DNM3: variants seen among roughly 807,000 people sequenced by gnomAD.
DNM3 encodes the protein dynamin-3.
DNM3 carries 47 observed loss-of-function variants against 101.6 expected under a neutral mutation model. The ratio of observed to expected loss-of-function variants is 0.46; its 90% CI spans 0.37 to 0.59. The LOEUF is 0.59. DNM3 is among the 20% of genes least tolerant of loss of function. The probability of loss-of-function intolerance (pLI) is 0.00; values close to 1 mark genes in which losing one functional copy is unlikely to be tolerated. For missense variants in DNM3, 849 were observed against 1,085.7 expected (o/e 0.78, Z 3.06); for synonymous variants, 385 against 387.9 (o/e 0.99, Z 0.09).
intron 20 of DNM3, among the ~76,000 whole-genome samples, chr1:172,398,502 C>CT (rs900261643): frequency 2.7e-4 from 41 of 152,286 alleles, no homozygotes; most frequent in African/African-American, 9.9e-4. Context: ...AAACTGTAAA[C>CT]TTTTTTGATC....
chr1:172,355,790 A>G (rs12143497), intron 17 of DNM3, among the ~76,000 whole-genome samples: 11,585 of 152,210 alleles, frequency 0.076, 499 homozygotes, highest in South Asian at 0.15. Context: ...GGCTGTGAAG[A>G]TCTAATATAT....
intron 15 of DNM3, among the ~76,000 whole-genome samples, chr1:172,306,740 T>C (rs1288834424): frequency 6.6e-6 from 1 of 151,306 alleles, no homozygotes; most frequent in Non-Finnish European, 1.5e-5. Flanking sequence ...TCTACAACCA[T>C]CTCTTTGACA....
intron 1 of DNM3, among the ~76,000 whole-genome samples, chr1:171,886,642 G>A (rs1386279739): frequency 6.6e-6 from 1 of 152,136 alleles, no homozygotes; most frequent in Non-Finnish European, 1.5e-5. Flanking sequence ...GTCTGTAATA[G>A]AAGAGTGAGA....
intron 1 of DNM3, among the ~76,000 whole-genome samples, chr1:171,858,672 C>G (rs2033861389): frequency 1.3e-5 from 2 of 152,136 alleles, no homozygotes; most frequent in African/African-American, 4.8e-5. Context: ...CAGAAGCTCT[C>G]CTCATGCTCC....
intron 14 of DNM3, among the ~76,000 whole-genome samples, chr1:172,219,088 C>T (rs2060808744): frequency 6.6e-6 from 1 of 152,024 alleles, no homozygotes; most frequent in Non-Finnish European, 1.5e-5. Context: ...CACAATGGCT[C>T]ATGCCTGTAA....
intron 15 of DNM3, among the ~76,000 whole-genome samples, chr1:172,292,244 C>A (rs183998894): frequency 6.6e-6 from 1 of 152,070 alleles, no homozygotes; most frequent in East Asian, 1.9e-4. Flanking sequence ...TTATAATCCC[C>A]ATTTTATAGG....
intron 2 of DNM3, among the ~76,000 whole-genome samples, chr1:171,937,861 GT>G (rs1428946026): frequency 6.6e-6 from 1 of 150,454 alleles, no homozygotes; most frequent in Non-Finnish European, 1.5e-5. Context: ...TGGATTACAG[GT>G]ATGAGCCACA....
chr1:172,232,891 G>A lies in DNM3; in HGVS notation c.1660-20682G>A, dbSNP rs533188605. 4.0e-3 allele frequency among the ~76,000 whole-genome samples: 615 copies of A among 152,312 alleles called. 6 individuals are homozygous for A. The highest frequency in any genetic ancestry group is 6.8e-3 in the Middle Eastern group (2 of 294). On this transcript the variant is annotated intron_variant, in intron 14 of 20. Coordinates refer to ENST00000627582, the MANE Select transcript of DNM3 (RefSeq NM_015569.5). ...ATCTCTGGGACACATTTAAAGCAGT[G>A]TGTAGAGGGAAATTTATAGCACTAA...
At chr1:171,912,688 A>G (rs1186884594) in intron 1 of DNM3, among the ~76,000 whole-genome samples, 3 of 152,190 alleles carry the variant, frequency 2.0e-5, no homozygotes, top group Admixed American at 2.0e-4. Flanking sequence ...CAAAACCTCT[A>G]ATTACATCTT....
intron 4 of DNM3, among the ~76,000 whole-genome samples, chr1:172,029,320 C>A (rs372107377): frequency 3.6e-5 from 5 of 138,228 alleles, no homozygotes; most frequent in Non-Finnish European, 1.6e-5. Context: ...ACATGATTAT[C>A]CCAATAGATG....
chr1:171,861,185 C>A (rs1203776734), intron 1 of DNM3, among the ~76,000 whole-genome samples: 1 of 152,092 alleles, frequency 6.6e-6, no homozygotes, highest in Non-Finnish European at 1.5e-5. Context: ...AATCAATCTG[C>A]AGACTTAATG....
At chr1:172,099,406 C>G (rs1408282386) in intron 13 of DNM3, among the ~76,000 whole-genome samples, 1 of 152,132 alleles carries the variant, frequency 6.6e-6, no homozygotes, top group East Asian at 1.9e-4. Context: ...AAATTTCATT[C>G]TTGCAGCAGG....
chr1:171,904,537 A>C (rs2038649797), intron 1 of DNM3, among the ~76,000 whole-genome samples: 1 of 152,160 alleles, frequency 6.6e-6, no homozygotes, highest in African/African-American at 2.4e-5. Flanking sequence ...CCCTTGGGAG[A>C]ACAACCAAAC....
At chr1:171,925,093 G>T (rs1047187874) in intron 2 of DNM3, among the ~76,000 whole-genome samples, 11 of 151,152 alleles carry the variant, frequency 7.3e-5, no homozygotes, top group Non-Finnish European at 1.5e-4. Flanking sequence ...TAGAGACGGG[G>T]TTTCACCATG....
In DNM3 at chr1:172,195,114, C is replaced by T. The variant is rs144823218; in HGVS notation, c.1660-58459C>T. Among the ~76,000 whole-genome samples the T allele has an allele frequency of 7.2e-3, 1,093 of 152,074 alleles. 16 individuals carry two copies. Among genetic ancestry groups the T allele is most frequent in the African/African-American group, 0.023 (957 of 41,504 alleles). ...TGTAAAGGATTTTATTTCTCCATCA[C>T]TTATGAAGCTTAGTTTGGCTGGATA... On this transcript the variant is annotated intron_variant, in intron 14 of 20. Transcript: ENST00000627582.
rs192117092 is a variant in DNM3, at chr1:171,896,772, A to G, written c.162-24976A>G. 8.5e-5 allele frequency among the ~76,000 whole-genome samples: 13 copies of G among 152,298 alleles called. No individual in the cohort carries two copies. The East Asian group carries it at 2.3e-3, about 27-fold the overall frequency. The stretch of plus-strand genomic sequence containing the variant: ...GATAAAATAGTCATGTTAAATGGTT[A>G]TATTCCTTCATCCTCTCCAAATATG... On this transcript the variant is annotated intron_variant, in intron 1 of 20. Transcript: ENST00000627582.
intron 15 of DNM3, among the ~76,000 whole-genome samples, chr1:172,267,957 C>T (rs980669334): frequency 5.3e-5 from 8 of 152,124 alleles, no homozygotes; most frequent in Admixed American, 3.3e-4. Flanking sequence ...CGTGATTCAC[C>T]CACCTTGGTC....
intron 13 of DNM3, among the ~76,000 whole-genome samples, chr1:172,114,248 G>A (rs1222620300): frequency 6.6e-6 from 1 of 152,202 alleles, no homozygotes; most frequent in Non-Finnish European, 1.5e-5. Context: ...CCATGCAAAG[G>A]TCAGAAGGTA....
At chr1:172,194,316 G>A (rs937729609) in intron 14 of DNM3, among the ~76,000 whole-genome samples, 1 of 152,142 alleles carries the variant, frequency 6.6e-6, no homozygotes, top group African/African-American at 2.4e-5. Context: ...GTGATGTGGT[G>A]CTGAGAAGAA....
Sources: allele counts gnomAD v4.1 joint callset (sites outside exome capture counted in the v4.1 genomes callset), GRCh38; gene constraint gnomAD v4.1.1; transcripts MANE v1.5; gene names NCBI Gene and HGNC (gene_info 2026-07-23, HGNC 2026-07-21).